EPHB1: variants seen among roughly 807,000 people sequenced by gnomAD.
The protein encoded by EPHB1 is ephrin type-B receptor 1.
EPHB1 carries 30 observed loss-of-function variants against 94.4 expected under a neutral mutation model. The ratio of observed to expected loss-of-function variants is 0.32; its 90% CI spans 0.24 to 0.43. The LOEUF (loss-of-function observed/expected upper bound fraction) is 0.43. EPHB1 is among the 20% of genes least tolerant of loss of function. The pLI is 1.00. For synonymous variants in EPHB1, 522 were observed against 489.1 expected, an observed-to-expected ratio of 1.07 and a Z score of -0.89; for missense variants, 1,055 against 1,308.3, an observed-to-expected ratio of 0.81 and a Z score of 2.99.
At chr3:135,135,529 G>T (rs1940591771) in intron 5 of EPHB1, among the ~76,000 whole-genome samples, 1 of 152,198 alleles carries the variant, frequency 6.6e-6, no homozygotes, top group Admixed American at 6.5e-5. Context: ...TAATGACTCA[G>T]ATCCATTAAG....
chr3:135,183,021 TTTTCTTTTC>T (rs1345617143), intron 10 of EPHB1, among the ~76,000 whole-genome samples: 1,197 of 72,924 alleles, frequency 0.016, 1 homozygote, highest in Middle Eastern at 0.047. Context: ...TTTTCTTTTC[TTTTCTTTTC>T]TTTCTTTCTT....
intron 15 of EPHB1, among the ~76,000 whole-genome samples, chr3:135,257,115 C>T (rs1933430979): frequency 6.7e-6 from 1 of 149,946 alleles, no homozygotes; most frequent in Non-Finnish European, 1.5e-5. Flanking sequence ...GTTATACATT[C>T]TTCTAAATTT....
At chr3:134,913,679 G>A (rs9682984) in intron 1 of EPHB1, among the ~76,000 whole-genome samples, 25,984 of 152,224 alleles carry the variant, frequency 0.17, 2,530 homozygotes, top group Admixed American at 0.3. Flanking sequence ...GGGGTCGAGG[G>A]CAGGGTGCGA....
intron 3 of EPHB1, among the ~76,000 whole-genome samples, chr3:135,027,266 TGA>T: frequency 6.6e-6 from 1 of 152,048 alleles, no homozygotes; most frequent in South Asian, 2.1e-4. Context: ...ATAGGAGTGG[TGA>T]GAGAGGGCAT....
chr3:134,895,055 T>A (rs1376339510), intron 1 of EPHB1, among the ~76,000 whole-genome samples: 1 of 152,204 alleles, frequency 6.6e-6, no homozygotes, highest in Non-Finnish European at 1.5e-5. Context: ...CACAACCAAA[T>A]CTTCTACTTT....
At chr3:135,172,345 T>C (rs1272066287) in intron 9 of EPHB1, among the ~76,000 whole-genome samples, 22 of 152,220 alleles carry the variant, frequency 1.4e-4, no homozygotes, top group Admixed American at 1.4e-3. Flanking sequence ...GATTTATTCA[T>C]TGTAAGTGCA....
intron 3 of EPHB1, among the ~76,000 whole-genome samples, chr3:135,025,242 G>C (rs1274192319): frequency 1.0e-5 from 1 of 99,684 alleles, no homozygotes; most frequent in Non-Finnish European, 2.3e-5. Flanking sequence ...TTAAGTTTTA[G>C]GGTACATGTG....
At chr3:135,120,196 A>G (rs1406317934) in intron 4 of EPHB1, among the ~76,000 whole-genome samples, 1 of 152,246 alleles carries the variant, frequency 6.6e-6, no homozygotes, top group Non-Finnish European at 1.5e-5. Flanking sequence ...TATATAGATT[A>G]CTTTGGGGAT....
chr3:135,008,324 CATT>C (rs1935496656), intron 3 of EPHB1, among the ~76,000 whole-genome samples: 1 of 152,162 alleles, frequency 6.6e-6, no homozygotes, highest in African/African-American at 2.4e-5. Flanking sequence ...AGGCAAATAT[CATT>C]ATTATCCCCA....
intron 7 of EPHB1, 88 bp from the exon 8 acceptor site, chr3:135,165,880 T>C (rs1324145839): frequency 1.1e-6 from 1 of 892,740 alleles, no homozygotes; most frequent in African/African-American, 1.6e-5. Flanking sequence ...ATATGTATAT[T>C]TAGATCATGT....
At chr3:135,066,093 A>G (rs1393607366) in intron 3 of EPHB1, among the ~76,000 whole-genome samples, 1 of 152,154 alleles carries the variant, frequency 6.6e-6, no homozygotes, top group Non-Finnish European at 1.5e-5. Context: ...GTTTTCCTTT[A>G]TAGCTTACCT....
chr3:135,235,486 A>G (rs1346073141), intron 12 of EPHB1, among the ~76,000 whole-genome samples: 1 of 152,226 alleles, frequency 6.6e-6, no homozygotes, highest in Non-Finnish European at 1.5e-5. Context: ...TTCTCCAGCC[A>G]GTAGCTGTGA....
In EPHB1 at chr3:135,101,677, T is replaced by A. The variant is rs117655820; in HGVS notation, c.806-4771T>A. Among the ~76,000 whole-genome samples, 74 of 152,284 alleles carry A rather than the reference T, an allele frequency of 4.9e-4. No individual in the cohort carries two copies. The East Asian group carries it at 0.013, about 27-fold the overall frequency. ...GATTACAAGTGTAAGCCACCACGCCTGGCCTGAAGTGACACTTTTAACCAT... is the reference window on the plus strand; with the variant it reads ...GATTACAAGTGTAAGCCACCACGCCAGGCCTGAAGTGACACTTTTAACCAT... On this transcript the variant is annotated intron_variant, in intron 3 of 15. Transcript: ENST00000398015.
At chr3:134,910,416 A>G (rs1196900390) in intron 1 of EPHB1, among the ~76,000 whole-genome samples, 1 of 152,198 alleles carries the variant, frequency 6.6e-6, no homozygotes, top group Non-Finnish European at 1.5e-5. Flanking sequence ...TTATGCACAG[A>G]GGCATTCACT....
intron 3 of EPHB1, among the ~76,000 whole-genome samples, chr3:135,037,667 C>A (rs895242563): frequency 3.9e-5 from 6 of 152,146 alleles, no homozygotes; most frequent in Non-Finnish European, 1.5e-5. Context: ...AGTAAATGAA[C>A]CAGCTAAAAG....
chr3:135,160,656 AC>A (rs539121581), intron 6 of EPHB1, among the ~76,000 whole-genome samples: 319 of 152,304 alleles, frequency 2.1e-3, no homozygotes, highest in Non-Finnish European at 3.7e-3. Flanking sequence ...CCTGCAGATA[AC>A]CCAGGATCTT....
At chr3:135,149,157 C>T (rs1941112359) in intron 5 of EPHB1, among the ~76,000 whole-genome samples, 1 of 152,188 alleles carries the variant, frequency 6.6e-6, no homozygotes, top group Non-Finnish European at 1.5e-5. Context: ...CCAAGTAACC[C>T]CAAACTAAGT....
chr3:135,015,273 C>T (rs1465194510), intron 3 of EPHB1, among the ~76,000 whole-genome samples: 1 of 150,990 alleles, frequency 6.6e-6, no homozygotes. Context: ...TGGAGTTTTG[C>T]TCCATTGCCC....
At chr3:134,804,436 TTAAGA>T (rs989981715) in intron 1 of EPHB1, among the ~76,000 whole-genome samples, 6 of 33,142 alleles carry the variant, frequency 1.8e-4, no homozygotes, top group Non-Finnish European at 9.9e-4. Context: ...ACAACTCAAG[TTAAGA>T]TTTGGGTGGG....
Sources: gnomAD v4.1 joint callset for allele counts (sites outside exome capture counted in the v4.1 genomes callset) on GRCh38, gnomAD v4.1.1 for gene constraint, MANE v1.5 for transcripts, NCBI Gene and HGNC (gene_info 2026-07-23, HGNC 2026-07-21) for gene names.